Variants in RAVER2 observed in about 807,000 individuals in gnomAD.
RAVER2 encodes the protein ribonucleoprotein PTB-binding 2.
A neutral mutation model predicts 78.1 loss-of-function variants in RAVER2; 46 were observed. That is an observed-to-expected ratio of 0.59 (90% CI 0.46 to 0.75). The LOEUF is 0.75. RAVER2 is among the 30% of genes least tolerant of loss of function. The pLI, the probability that RAVER2 is intolerant of heterozygous loss-of-function variation, is 0.00. For synonymous variants in RAVER2, 311 were observed against 313.3 expected (o/e 0.99, Z 0.08); for missense variants, 793 against 837.5 (o/e 0.95, Z 0.66).
At position 64,814,655 on chromosome 1, in the gene RAVER2, T is replaced by G. The variant is rs1368267146; in HGVS notation, c.1793-49T>G. On this transcript the variant is annotated intron_variant, in intron 10 of 11. Transcript: ENST00000294428. ...TTAAAATAACCTAAATAAAATAAATTTATAATAAAATAACCTAAATAAAAT... is the reference window on the plus strand; with the variant it reads ...TTAAAATAACCTAAATAAAATAAATGTATAATAAAATAACCTAAATAAAAT... 4.7e-6 allele frequency: 5 copies of G among 1,063,042 alleles called. No homozygotes were observed. In the African/African-American group the frequency reaches 6.7e-5, roughly 14 times the overall value. The allele number at this position is 1,063,042 out of a possible 1,614,324, so 65.9% of individuals were successfully genotyped here.
chr1:64,758,200 A>G (rs913257480), intron 1 of RAVER2, among the ~76,000 whole-genome samples: 8 of 152,336 alleles, frequency 5.3e-5, no homozygotes, highest in Middle Eastern at 3.4e-3. Context: ...GTGTACAGTA[A>G]ATGCTATCTA....
chr1:64,773,854 C>G (rs959872297), intron 2 of RAVER2, among the ~76,000 whole-genome samples: 42 of 152,284 alleles, frequency 2.8e-4, no homozygotes, highest in African/African-American at 9.1e-4. Context: ...TGTTTCCTGA[C>G]TTTTTAATGA....
chr1:64,805,868 A>G (rs945153540), intron 8 of RAVER2, among the ~76,000 whole-genome samples: 1 of 152,196 alleles, frequency 6.6e-6, no homozygotes, highest in African/African-American at 2.4e-5. Context: ...TTGTGATATC[A>G]TGGGGTCTGT....
At chr1:64,757,733 G>A (rs1156976159) in intron 1 of RAVER2, among the ~76,000 whole-genome samples, 1 of 152,052 alleles carries the variant, frequency 6.6e-6, no homozygotes, top group Non-Finnish European at 1.5e-5. Context: ...GTGCTCTCAG[G>A]TCCTCTTAGT....
chr1:64,780,809 C>T (rs909956897), intron 3 of RAVER2, among the ~76,000 whole-genome samples: 6 of 152,270 alleles, frequency 3.9e-5, no homozygotes, highest in African/African-American at 1.4e-4. Context: ...ATTTAGGGCA[C>T]ATTCAGAAAT....
intron 10 of RAVER2, among the ~76,000 whole-genome samples, chr1:64,813,607 A>C (rs1653679518): frequency 6.6e-6 from 1 of 152,326 alleles, no homozygotes; most frequent in Non-Finnish European, 1.5e-5. Context: ...AAATGAAAAG[A>C]GATGAAAGAT....
At chr1:64,828,161 C>G (rs1654042956) in intron 11 of RAVER2, among the ~76,000 whole-genome samples, 1 of 129,294 alleles carries the variant, frequency 7.7e-6, no homozygotes, top group South Asian at 3.1e-4. Context: ...AAACCCACCC[C>G]CCCCACCCCC....
intron 1 of RAVER2, among the ~76,000 whole-genome samples, chr1:64,768,170 G>A (rs1415066905): frequency 6.6e-6 from 1 of 151,894 alleles, no homozygotes; most frequent in South Asian, 2.1e-4. Flanking sequence ...ATAGCATGCA[G>A]AAATAGAAAT....
chr1:64,771,852 CAG>C (rs1652328924), intron 2 of RAVER2, among the ~76,000 whole-genome samples: 1 of 145,592 alleles, frequency 6.9e-6, no homozygotes, highest in African/African-American at 2.7e-5. Flanking sequence ...TTCGTGGAAA[CAG>C]ATATAATTAA....
At chr1:64,829,994 C>T (rs542232717) in intron 11 of RAVER2, among the ~76,000 whole-genome samples, 3 of 151,988 alleles carry the variant, frequency 2.0e-5, no homozygotes, top group Non-Finnish European at 2.9e-5. Context: ...AAATTGTGAC[C>T]GTTGTTGGTT....
intron 2 of RAVER2, among the ~76,000 whole-genome samples, chr1:64,772,868 G>A (rs1014404263): frequency 6.6e-6 from 1 of 152,184 alleles, no homozygotes; most frequent in African/African-American, 2.4e-5. Context: ...AGGCATTGTA[G>A]AGCATGATTA....
At chr1:64,817,664 A>G (rs1415211533) in intron 11 of RAVER2, among the ~76,000 whole-genome samples, 1 of 150,560 alleles carries the variant, frequency 6.6e-6, no homozygotes, top group Non-Finnish European at 1.5e-5. Flanking sequence ...CAGAAAACCA[A>G]ACACCACATG....
intron 4 of RAVER2, among the ~76,000 whole-genome samples, chr1:64,787,737 C>T (rs1027980964): frequency 6.6e-6 from 1 of 152,190 alleles, no homozygotes; most frequent in Non-Finnish European, 1.5e-5. Context: ...TTTCCCACCT[C>T]ACTGTCCTGG....
chr1:64,801,294 TCA>T (rs1653256555), intron 5 of RAVER2, among the ~76,000 whole-genome samples: 1 of 151,208 alleles, frequency 6.6e-6, no homozygotes, highest in Admixed American at 6.6e-5. Flanking sequence ...AGATGGGGTT[TCA>T]CCATGTTGAC....
chr1:64,799,248 A>G (rs569083248), intron 5 of RAVER2, among the ~76,000 whole-genome samples: 1 of 152,294 alleles, frequency 6.6e-6, no homozygotes, highest in East Asian at 1.9e-4. Flanking sequence ...GCTGCAAATG[A>G]CCAGCTTTCC....
chr1:64,781,648 C>T, intron 4 of RAVER2, 77 bp downstream of exon 4: 1 of 1,338,350 alleles, frequency 7.5e-7, no homozygotes, highest in Non-Finnish European at 1.0e-6. Context: ...CCAGTCTAGC[C>T]AAAGTAATTG....
chr1:64,785,367 C>CTTTT (rs67544814), intron 4 of RAVER2, among the ~76,000 whole-genome samples: 1 of 129,658 alleles, frequency 7.7e-6, no homozygotes, highest in African/African-American at 2.8e-5. Context: ...CTGTCCCTAA[C>CTTTT]TTTTTTTTTT....
At chr1:64,814,909 A>G in intron 11 of RAVER2, 69 bp downstream of exon 11, 1 of 1,298,198 alleles carries the variant, frequency 7.7e-7, no homozygotes. Context: ...TTCACTGAAT[A>G]TGAAATTGTG....
In RAVER2 at chr1:64,808,308, T is replaced by A. The variant is rs568502237; in HGVS notation, c.1680+834T>A. 4.6e-5 allele frequency among the ~76,000 whole-genome samples: 7 copies of A among 152,150 alleles called. No homozygotes were observed. The East Asian group carries it at 7.7e-4, about 17-fold the overall frequency. ...GTATAAAACTTAGGCTTAAGCAGTT[T>A]GTAAGGAAAAAAAATCTATGTAGTT... On this transcript the variant is annotated intron_variant, in intron 9 of 11. Coordinates refer to ENST00000294428, the Ensembl canonical transcript of RAVER2.
Sources: allele counts gnomAD v4.1 joint callset (sites outside exome capture counted in the v4.1 genomes callset), GRCh38; gene constraint gnomAD v4.1.1; transcripts MANE v1.5; gene names NCBI Gene and HGNC (gene_info 2026-07-23, HGNC 2026-07-21).